The following COL25A1 variants were observed in gnomAD, a reference collection of about 807,000 sequenced individuals.
COL25A1 encodes collagen alpha-1(XXV) chain.
In COL25A1, 103 loss-of-function variants were observed where a neutral mutation model predicts 128.4. That is an observed-to-expected ratio of 0.80 (90% CI 0.68 to 0.94). The LOEUF is 0.94. COL25A1 is among the 40% of genes least tolerant of loss of function. The pLI, the probability that COL25A1 is intolerant of heterozygous loss-of-function variation, is 0.00. For missense variants in COL25A1, 745 were observed against 840.0 expected, an observed-to-expected ratio of 0.89 and a Z score of 1.40; for synonymous variants, 279 against 277.2, an observed-to-expected ratio of 1.01 and a Z score of -0.06.
At chr4:109,073,078 TAC>T (rs1763106113) in intron 3 of COL25A1, among the ~76,000 whole-genome samples, 1 of 152,160 alleles carries the variant, frequency 6.6e-6, no homozygotes, top group African/African-American at 2.4e-5. Context: ...TATACTGTTA[TAC>T]ACACAATCTG....
intron 3 of COL25A1, among the ~76,000 whole-genome samples, chr4:109,073,641 A>G (rs1763164560): frequency 6.6e-6 from 1 of 152,006 alleles, no homozygotes; most frequent in Non-Finnish European, 1.5e-5. Context: ...ATGTTCCTCT[A>G]CTCATTGTAG....
intron 3 of COL25A1, among the ~76,000 whole-genome samples, chr4:109,140,736 C>G (rs1289835481): frequency 1.3e-5 from 2 of 152,122 alleles, no homozygotes; most frequent in East Asian, 3.9e-4. Context: ...TCTCTGTTTG[C>G]CTATTATTGG....
chr4:108,937,851 A>G lies in COL25A1; in HGVS notation c.673-8T>C. ...TGGCTTTCCTGGTTCACCCTTAAAAAAGAATAGTGATAATTTTAGTAACGC... is the reference window on the plus strand; with the variant it reads ...TGGCTTTCCTGGTTCACCCTTAAAAGAGAATAGTGATAATTTTAGTAACGC... On this transcript the variant is annotated splice_region_variant and splice_polypyrimidine_tract_variant and intron_variant, in intron 10 of 37. Transcript: ENST00000399132. 1 of 1,601,544 alleles carries G rather than the reference A, an allele frequency of 6.2e-7. No individual in the cohort carries two copies. Among genetic ancestry groups the G allele is most frequent in the Non-Finnish European group, 8.5e-7 (1 of 1,174,828 alleles).
chr4:108,901,897 C>T (rs1252171722), intron 13 of COL25A1, among the ~76,000 whole-genome samples: 2 of 151,962 alleles, frequency 1.3e-5, no homozygotes, highest in African/African-American at 2.4e-5. Context: ...GACAAAGCTC[C>T]CTGAAGTGCC....
intron 3 of COL25A1, among the ~76,000 whole-genome samples, chr4:109,222,011 T>TAACATC (rs1778452675): frequency 6.7e-6 from 1 of 149,236 alleles, no homozygotes; most frequent in Non-Finnish European, 1.5e-5. Flanking sequence ...AATTTAAAAA[T>TAACATC]AACATCAACT....
At chr4:109,246,844 T>A (rs1780298620) in intron 3 of COL25A1, among the ~76,000 whole-genome samples, 1 of 152,064 alleles carries the variant, frequency 6.6e-6, no homozygotes, top group Non-Finnish European at 1.5e-5. Context: ...CAAACATGAG[T>A]CCTATCTTCA....
Position 109,220,688 on chromosome 4 carries a change from G to C in COL25A1, c.367+79895C>G, listed in dbSNP as rs61659244. 8.3e-4 allele frequency among the ~76,000 whole-genome samples: 127 copies of C among 152,126 alleles called. 1 individual carries two copies. The highest frequency in any genetic ancestry group is 3.0e-3 in the African/African-American group (124 of 41,498). On this transcript the variant is annotated intron_variant, in intron 3 of 37. Transcript: ENST00000399132. Reference sequence around the variant, plus strand: ...AATGTTACTAAGATTATAATAATAGGAAAAGGTTCAAAAGTACTTTATTGA... The same window carrying C: ...AATGTTACTAAGATTATAATAATAGCAAAAGGTTCAAAAGTACTTTATTGA...
intron 8 of COL25A1, among the ~76,000 whole-genome samples, chr4:108,967,969 G>A (rs1229928866): frequency 2.0e-5 from 3 of 152,106 alleles, no homozygotes; most frequent in African/African-American, 4.8e-5. Flanking sequence ...CGTGGTGACC[G>A]ACAGCACAGA....
intron 9 of COL25A1, 98 bp downstream of exon 9, chr4:108,941,268 C>T (rs573115568): frequency 2.2e-6 from 2 of 899,362 alleles, no homozygotes; most frequent in Non-Finnish European, 3.5e-6. Flanking sequence ...ACATACCACC[C>T]ACACCCCACC....
At chr4:108,851,945 T>G (rs1278957021) in intron 26 of COL25A1, among the ~76,000 whole-genome samples, 2 of 152,166 alleles carry the variant, frequency 1.3e-5, no homozygotes, top group African/African-American at 4.8e-5. Context: ...TTTAGTGTTT[T>G]TTACATTTAT....
chr4:109,161,690 T>C (rs1359101849), intron 3 of COL25A1, among the ~76,000 whole-genome samples: 1 of 152,262 alleles, frequency 6.6e-6, no homozygotes. Flanking sequence ...GAAGTTATAT[T>C]GTATTTTCTT....
chr4:108,947,864 A>T (rs571420709), intron 8 of COL25A1, among the ~76,000 whole-genome samples: 1 of 152,302 alleles, frequency 6.6e-6, no homozygotes, highest in African/African-American at 2.4e-5. Context: ...AAAGATAATT[A>T]TTTTAATTAT....
chr4:109,145,042 C>CA (rs1770791402), intron 3 of COL25A1, among the ~76,000 whole-genome samples: 1 of 149,042 alleles, frequency 6.7e-6, no homozygotes, highest in Non-Finnish European at 1.5e-5. Context: ...TGAAAGTAAG[C>CA]AAAATTTTTC....
intron 3 of COL25A1, among the ~76,000 whole-genome samples, chr4:109,241,966 T>C (rs899592690): frequency 6.6e-6 from 1 of 151,972 alleles, no homozygotes; most frequent in Non-Finnish European, 1.5e-5. Flanking sequence ...ATATCAAGAC[T>C]TGACTTTTCT....
chr4:109,106,413 C>G (rs993596392), intron 3 of COL25A1, among the ~76,000 whole-genome samples: 1 of 152,260 alleles, frequency 6.6e-6, no homozygotes, highest in East Asian at 1.9e-4. Context: ...GTTTGCCCCT[C>G]TCTCCCCAAC....
At chr4:109,190,154 TAGACCAAAGAATGC>T (rs1775480202) in intron 3 of COL25A1, among the ~76,000 whole-genome samples, 1 of 152,092 alleles carries the variant, frequency 6.6e-6, no homozygotes, top group East Asian at 1.9e-4. Flanking sequence ...AATATGTTTG[TAGACCAAAGAATGC>T]AGAGCCAGCC....
In COL25A1 at chr4:109,103,734, T is replaced by C. The variant is rs571878894; in HGVS notation, c.368-53555A>G. On this transcript the variant is annotated intron_variant, in intron 3 of 37. Transcript: ENST00000399132. Reference sequence around the variant, plus strand: ...CTGAAGCATCTTGTCATGGAAGCTATCACAACCACTAGCGTTCTGTCAAAG... The same window carrying C: ...CTGAAGCATCTTGTCATGGAAGCTACCACAACCACTAGCGTTCTGTCAAAG... Among the ~76,000 whole-genome samples the C allele has an allele frequency of 5.9e-5, 9 of 152,300 alleles. No homozygotes were observed. In the South Asian group the frequency reaches 1.9e-3, roughly 32 times the overall value.
chr4:109,263,121 T>C (rs1284436787), intron 3 of COL25A1, among the ~76,000 whole-genome samples: 1 of 137,954 alleles, frequency 7.2e-6, no homozygotes, highest in Admixed American at 7.5e-5. Context: ...AGAGCAAGAC[T>C]CTGTCTCAAA....
chr4:108,889,205 G>C lies in COL25A1; in HGVS notation c.975+16C>G. 1 of 1,609,516 alleles carries C rather than the reference G, an allele frequency of 6.2e-7. No individual in the cohort carries two copies. Among genetic ancestry groups the C allele is most frequent in the Non-Finnish European group, 8.5e-7 (1 of 1,175,892 alleles). ...AATATGAGACAGTAGGAACACACTA[G>C]AGATAGAGATATTACCTTTTGCCCT... On this transcript the variant is annotated intron_variant, in intron 18 of 37. Transcript: ENST00000399132.
Sources: gnomAD v4.1 joint callset for allele counts (sites outside exome capture counted in the v4.1 genomes callset) on GRCh38, gnomAD v4.1.1 for gene constraint, MANE v1.5 for transcripts, NCBI Gene and HGNC (gene_info 2026-07-23, HGNC 2026-07-21) for gene names.